PTPN4: variants seen among roughly 807,000 people sequenced by gnomAD.
The protein encoded by PTPN4 is protein tyrosine phosphatase non-receptor type 4, also known as tyrosine-protein phosphatase non-receptor type 4.
In PTPN4, 49 loss-of-function variants were observed where a neutral mutation model predicts 135.5. The observed-to-expected ratio is 0.36, with a 90% CI of 0.29 to 0.46. The LOEUF (loss-of-function observed/expected upper bound fraction) is 0.46, where lower values mean the gene tolerates loss of function less well. Ranked by LOEUF, PTPN4 falls within the 20% of genes least tolerant of loss-of-function variation. The probability of loss-of-function intolerance (pLI) is 1.00; values close to 1 mark genes in which losing one functional copy is unlikely to be tolerated. For synonymous variants in PTPN4, 333 were observed against 369.9 expected, an observed-to-expected ratio of 0.90 and a Z score of 1.14; for missense variants, 860 against 1,101.0, an observed-to-expected ratio of 0.78 and a Z score of 3.10.
chr2:119,769,376 G>A (rs1297123248), intron 1 of PTPN4, among the ~76,000 whole-genome samples: 1 of 152,218 alleles, frequency 6.6e-6, no homozygotes, highest in African/African-American at 2.4e-5. Flanking sequence ...GAATTATGGA[G>A]ATACTAATGA....
intron 8 of PTPN4, among the ~76,000 whole-genome samples, chr2:119,883,165 T>C (rs1029890659): frequency 5.9e-5 from 9 of 152,162 alleles, no homozygotes; most frequent in African/African-American, 1.9e-4. Flanking sequence ...CCTGATCCCA[T>C]GTAATGGGTT....
intron 1 of PTPN4, among the ~76,000 whole-genome samples, chr2:119,761,478 C>T (rs1206597517): frequency 6.6e-6 from 1 of 152,174 alleles, no homozygotes; most frequent in Non-Finnish European, 1.5e-5. Context: ...ATAAATTCAG[C>T]TTTCTTTTAA....
intron 2 of PTPN4, among the ~76,000 whole-genome samples, chr2:119,819,885 G>A (rs919769052): frequency 6.6e-6 from 1 of 152,066 alleles, no homozygotes; most frequent in Non-Finnish European, 1.5e-5. Context: ...TTTAGAGACA[G>A]TGTCTTGCTC....
chr2:119,772,900 G>A (rs1690760392), intron 1 of PTPN4, among the ~76,000 whole-genome samples: 1 of 152,124 alleles, frequency 6.6e-6, no homozygotes, highest in African/African-American at 2.4e-5. Context: ...AATCAAGAAT[G>A]TTACTTAATG....
chr2:119,930,219 A>G (rs1574409424), intron 13 of PTPN4, among the ~76,000 whole-genome samples: 1 of 152,292 alleles, frequency 6.6e-6, no homozygotes, highest in Non-Finnish European at 1.5e-5. Flanking sequence ...CACTTACGGA[A>G]AATGAAATCT....
At chr2:119,872,756 G>A (rs572472132) in intron 3 of PTPN4, among the ~76,000 whole-genome samples, 35 of 152,234 alleles carry the variant, frequency 2.3e-4, no homozygotes, top group Non-Finnish European at 4.0e-4. Context: ...TATCACCCCA[G>A]TACCTGACAC....
At chr2:119,975,542 A>G (rs556019787) in intron 26 of PTPN4, among the ~76,000 whole-genome samples, 23 of 152,210 alleles carry the variant, frequency 1.5e-4, no homozygotes, top group Admixed American at 3.3e-4. Context: ...TCTGGCCAAC[A>G]TGGTGAAAGC....
intron 2 of PTPN4, among the ~76,000 whole-genome samples, chr2:119,857,018 C>A (rs973161360): frequency 6.6e-6 from 1 of 152,064 alleles, no homozygotes; most frequent in Non-Finnish European, 1.5e-5. Context: ...ATGAGTAGTT[C>A]TTACTCAGTT....
At chr2:119,965,973 CA>C (rs1679439730) in intron 25 of PTPN4, among the ~76,000 whole-genome samples, 1 of 152,102 alleles carries the variant, frequency 6.6e-6, no homozygotes, top group African/African-American at 2.4e-5. Flanking sequence ...TGCTATGTAA[CA>C]AAATATTCGA....
At chr2:119,858,194 T>C (rs574054917) in intron 2 of PTPN4, among the ~76,000 whole-genome samples, 2 of 152,356 alleles carry the variant, frequency 1.3e-5, no homozygotes, top group African/African-American at 4.8e-5. Context: ...CTTTTCTTTA[T>C]AAATTACCCA....
intron 1 of PTPN4, among the ~76,000 whole-genome samples, chr2:119,760,866 T>G: frequency 1.2e-5 from 1 of 80,634 alleles, no homozygotes; most frequent in Middle Eastern, 5.1e-3. Flanking sequence ...AATCTGTAGT[T>G]GAGCCAAAAA....
chr2:119,891,119 C>T (rs1158796099), intron 9 of PTPN4, among the ~76,000 whole-genome samples: 3 of 152,156 alleles, frequency 2.0e-5, no homozygotes, highest in Non-Finnish European at 4.4e-5. Flanking sequence ...TAAATTTGGT[C>T]ACCTTATCTT....
intron 2 of PTPN4, among the ~76,000 whole-genome samples, chr2:119,856,718 T>A (rs538842165): frequency 6.6e-6 from 1 of 152,176 alleles, no homozygotes; most frequent in East Asian, 1.9e-4. Flanking sequence ...AACAGACTTA[T>A]TGGTAGTAAA....
At chr2:119,961,096 T>G (rs6737776) in intron 23 of PTPN4, 143 bp downstream of exon 23, 946,749 of 955,384 alleles carry the variant, frequency 0.99, 469,577 homozygotes, top group East Asian at 1. Flanking sequence ...AATCATCATG[T>G]TTAAGTGCAT....
intron 1 of PTPN4, among the ~76,000 whole-genome samples, chr2:119,777,716 A>C (rs1244037075): frequency 2.0e-5 from 3 of 152,166 alleles, no homozygotes; most frequent in African/African-American, 7.2e-5. Context: ...ATGCAGTGGC[A>C]TGCTCACAGC....
intron 25 of PTPN4, among the ~76,000 whole-genome samples, chr2:119,966,862 G>T (rs1038350797): frequency 6.6e-6 from 1 of 152,192 alleles, no homozygotes; most frequent in African/African-American, 2.4e-5. Context: ...AGTCTTTACT[G>T]CTACTGATCC....
intron 1 of PTPN4, among the ~76,000 whole-genome samples, chr2:119,791,788 G>C (rs1006260523): frequency 3.3e-5 from 5 of 152,120 alleles, no homozygotes; most frequent in Non-Finnish European, 7.4e-5. Flanking sequence ...ATCCTAATTG[G>C]AGGTCATTAA....
At chr2:119,924,062 A>G (rs1393667827) in intron 12 of PTPN4, among the ~76,000 whole-genome samples, 2 of 148,696 alleles carry the variant, frequency 1.3e-5, no homozygotes, top group South Asian at 2.2e-4. Flanking sequence ...GCGTGAACCC[A>G]GGAGGCAGAG....
Position 119,852,234 on chromosome 2 carries a change from C to T in PTPN4, c.139-10302C>T, listed in dbSNP as rs192209976. On this transcript the variant is annotated intron_variant, in intron 2 of 26. Transcript: ENST00000263708. Reference sequence around the variant, plus strand: ...GCTTCTCCTTTTCTTGCAGATTGCGCGTTTACCCTATTTGGGAAAAAAAAT... The same window carrying T: ...GCTTCTCCTTTTCTTGCAGATTGCGTGTTTACCCTATTTGGGAAAAAAAAT... Among the ~76,000 whole-genome samples the T allele has an allele frequency of 2.6e-4, 39 of 152,254 alleles. 1 individual carries two copies. The highest frequency in any genetic ancestry group is 7.2e-4 in the Admixed American group (11 of 15,298).
Sources: gnomAD v4.1 joint callset for allele counts (sites outside exome capture counted in the v4.1 genomes callset) on GRCh38, gnomAD v4.1.1 for gene constraint, MANE v1.5 for transcripts, NCBI Gene and HGNC (gene_info 2026-07-23, HGNC 2026-07-21) for gene names.